The following TUSC2 variants were observed in gnomAD, a reference collection of about 807,000 sequenced individuals.
TUSC2 encodes tumor suppressor candidate 2.
TUSC2 carries 7 observed loss-of-function variants against 11.5 expected under a neutral mutation model. The ratio of observed to expected loss-of-function variants is 0.61; its 90% CI spans 0.35 to 1.14. The LOEUF (loss-of-function observed/expected upper bound fraction) is 1.14. Among genes scored for constraint, TUSC2 ranks in the 50% most tolerant of loss-of-function variants. TUSC2 has a pLI of 0.03. For synonymous variants in TUSC2, 61 were observed against 64.1 expected (o/e 0.95, Z 0.23); for missense variants, 132 against 155.0 (o/e 0.85, Z 0.79).
In TUSC2 at chr3:50,328,135, G is replaced by T. The variant is rs1553717668; in HGVS notation, c.-36C>A. ...CCGGCGCATGGCGGGCCCCGTGGCC[G>T]CTCTGCTCACACCGCAGTCCGCACT... is the stretch of plus-strand genomic sequence containing the variant. On this transcript the variant is annotated 5_prime_UTR_variant, in exon 1 of 3. Transcript: ENST00000232496. 15 of 1,359,804 alleles carry T rather than the reference G, an allele frequency of 1.1e-5. No homozygotes were observed. Among genetic ancestry groups the T allele is most frequent in the Non-Finnish European group, 1.4e-5 (15 of 1,058,418 alleles). 84.2% of individuals were successfully genotyped at this position (1,359,804 alleles called of 1,614,324 possible).
chr3:50,326,223 G>C (rs1553717380), intron 2 of TUSC2, 37 bp from the exon 3 acceptor site: 1 of 1,607,736 alleles, frequency 6.2e-7, no homozygotes, highest in Admixed American at 1.7e-5. Context: ...GGTCAGCTCA[G>C]GGCCTCTACT....
intron 1 of TUSC2, among the ~76,000 whole-genome samples, chr3:50,327,397 G>A (rs1553717513): frequency 1.4e-4 from 22 of 152,146 alleles, no homozygotes. Context: ...CTCTTGTGCG[G>A]GCCTCTGGGA....
In TUSC2 at chr3:50,327,980, C is replaced by A; in HGVS notation, c.120G>T (p.Val40=). 6.5e-7 allele frequency: 1 copy of A among 1,542,194 alleles called. No homozygotes were observed. The highest frequency in any genetic ancestry group is 8.7e-7 in the Non-Finnish European group (1 of 1,147,630). ...CGCGGCGCGTGAATACGAAGGGGGG[C>A]ACAGCTCGGCCCCGAGGCCGCACCA... ...QALVRPRGRA[V]PPFVFTRRGS... The change falls in exon 1 of 3, where the codon GTG becomes GTT. Residue 40 remains valine, a synonymous_variant. Coordinates refer to ENST00000232496, the MANE Select transcript of TUSC2 (RefSeq NM_007275.3).
At chr3:50,326,957 GAAGA>G (rs1196676979) in intron 1 of TUSC2, 3 of 339,312 alleles carry the variant, frequency 8.8e-6, no homozygotes, top group Non-Finnish European at 1.7e-5. Context: ...GGGTCTACTA[GAAGA>G]AAGTGGGAAG....
intron 1 of TUSC2, chr3:50,327,307 C>T (rs1207408691): frequency 2.2e-6 from 1 of 452,456 alleles, no homozygotes; most frequent in Non-Finnish European, 4.4e-6. Flanking sequence ...ACTGTTGGGT[C>T]TTCCTGGTGT....
chr3:50,326,278 C>G (rs1432633719), intron 2 of TUSC2, 79 bp downstream of exon 2: 2 of 1,612,228 alleles, frequency 1.2e-6, no homozygotes, highest in Non-Finnish European at 1.7e-6. Flanking sequence ...GCAAAAGCCC[C>G]CACCATGACA....
chr3:50,327,981 A>G lies in TUSC2; in HGVS notation c.119T>C (p.Val40Ala). 1 of 1,542,684 alleles carries G rather than the reference A, an allele frequency of 6.5e-7. No individual in the cohort carries two copies. ...QALVRPRGRA[V>A]PPFVFTRRGS... ...GCGGCGCGTGAATACGAAGGGGGGC[A>G]CAGCTCGGCCCCGAGGCCGCACCAA... Residue 40 changes from valine to alanine, a missense_variant, in exon 1 of 3, where the codon GTG becomes GCG. Coordinates refer to ENST00000232496, the MANE Select transcript of TUSC2 (RefSeq NM_007275.3).
In TUSC2 at chr3:50,327,999, C is replaced by G. The variant is rs1553717621; in HGVS notation, c.101G>C (p.Arg34Pro). 6.5e-7 allele frequency: 1 copy of G among 1,538,802 alleles called. No individual in the cohort carries two copies. The highest frequency in any genetic ancestry group is 2.0e-5 in the Admixed American group (1 of 50,502). Residue 34 changes from arginine to proline, a missense_variant, in exon 1 of 3, where the codon CGG becomes CCG. Arg to Pro is a moderately radical substitution (Grantham distance 103). Transcript: ENST00000232496. ...EAAGAEQALV[R>P]PRGRAVPPFV... Reference sequence around the variant, plus strand: ...GGGGGGCACAGCTCGGCCCCGAGGCCGCACCAAAGCTTGCTCAGCTCCTGC... The same window carrying G: ...GGGGGGCACAGCTCGGCCCCGAGGCGGCACCAAAGCTTGCTCAGCTCCTGC...
chr3:50,328,002 A>C lies in TUSC2; in HGVS notation c.98T>G (p.Val33Gly). Residue 33 changes from valine (V) to glycine (G), a missense_variant, in exon 1 of 3, where the codon GTG becomes GGG. Around this residue, in one of 3 missense-constraint regions of TUSC2, gnomAD observed 50 missense variants for 27.9 expected, o/e 1.79. Transcript: ENST00000232496. The stretch of plus-strand genomic sequence containing the variant: ...GGGCACAGCTCGGCCCCGAGGCCGC[A>C]CCAAAGCTTGCTCAGCTCCTGCTGC... ...SEAAGAEQAL[V>G]RPRGRAVPPF... is the part of the protein sequence containing the mutation. 1.3e-6 allele frequency: 2 copies of C among 1,538,576 alleles called. No homozygotes were observed. The highest frequency in any genetic ancestry group is 1.7e-6 in the Non-Finnish European group (2 of 1,145,140).
In TUSC2 at chr3:50,328,192, T is replaced by G. The variant is rs965903557; in HGVS notation, c.-93A>C. 4.7e-6 allele frequency: 6 copies of G among 1,276,538 alleles called. No individual in the cohort carries two copies. Among genetic ancestry groups the G allele is most frequent in the South Asian group, 2.2e-5 (1 of 45,344 alleles). The allele number at this position is 1,276,538 out of a possible 1,614,324, so 79.1% of individuals were successfully genotyped here. A position where few individuals can be genotyped will look rare whatever the true frequency, so the allele number is the denominator to read the frequency against. On this transcript the variant is annotated 5_prime_UTR_variant, in exon 1 of 3. Transcript: ENST00000232496. Reference sequence around the variant, plus strand: ...ACCTGCCCCAGCCGCTGATCGCAGGTGCCGCCGCCGCCGCCTTCCGCAGGC... The same window carrying G: ...ACCTGCCCCAGCCGCTGATCGCAGGGGCCGCCGCCGCCGCCTTCCGCAGGC...
At chr3:50,327,177 A>C (rs1553717488) in intron 1 of TUSC2, 2 of 456,776 alleles carry the variant, frequency 4.4e-6, no homozygotes, top group Admixed American at 4.7e-5. Flanking sequence ...CTCACTCCAG[A>C]AGATGCTGCT....
intron 1 of TUSC2, among the ~76,000 whole-genome samples, chr3:50,327,572 C>T (rs782239554): frequency 1.1e-4 from 17 of 152,152 alleles, no homozygotes; most frequent in Non-Finnish European, 2.2e-4. Flanking sequence ...GAAAAGCAGC[C>T]TAAACAGAGG....
At chr3:50,327,930 C>A in intron 1 of TUSC2, 24 bp downstream of exon 1, 1 of 1,445,942 alleles carries the variant, frequency 6.9e-7, no homozygotes, top group Non-Finnish European at 9.1e-7. Context: ...GTTCCCCCCG[C>A]CAGGGTGGAA....
At chr3:50,326,504 T>C (rs782452888) in intron 1 of TUSC2, 27 bp from the exon 2 acceptor site, 1 of 1,610,726 alleles carries the variant, frequency 6.2e-7, no homozygotes, top group Non-Finnish European at 8.5e-7. Flanking sequence ...GGAAACAGGC[T>C]GGGCTGGAGC....
Position 50,325,947 on chromosome 3 carries a change from C to G in TUSC2, c.*174G>C, listed in dbSNP as rs187779816. On this transcript the variant is annotated 3_prime_UTR_variant, in exon 3 of 3. Coordinates refer to ENST00000232496, the MANE Select transcript of TUSC2 (RefSeq NM_007275.3). The surrounding 1 kb of genome is among the most constrained non-coding windows in gnomAD (Gnocchi z 5.1). ...AACCACCTCTTGTCCACACACAAAC[C>G]AACACCCAACCAATACTGTGGGACC... The G allele has an allele frequency of 2.8e-4, 225 of 790,004 alleles. No individual in the cohort carries two copies. The African/African-American group carries it at 3.5e-3, about 12-fold the overall frequency. 48.9% of individuals were successfully genotyped at this position (790,004 alleles called of 1,614,324 possible).
At position 50,327,971 on chromosome 3, in the gene TUSC2, G is replaced by T. The variant is rs1270070276; in HGVS notation, c.129C>A (p.Phe43Leu). Residue 43 changes from phenylalanine (F) to leucine (L), a missense_variant, in exon 1 of 3, where the codon TTC becomes TTA. Phe to Leu is a conservative substitution (Grantham distance 22, BLOSUM62 0). Coordinates refer to ENST00000232496, the MANE Select transcript of TUSC2 (RefSeq NM_007275.3). ...VRPRGRAVPP[F>L]VFTRRGSMFY... The stretch of plus-strand genomic sequence containing the variant: ...GCCCTTACCCGCGGCGCGTGAATAC[G>T]AAGGGGGGCACAGCTCGGCCCCGAG... 2 of 1,541,500 alleles carry T rather than the reference G, an allele frequency of 1.3e-6. No individual in the cohort carries two copies. Among genetic ancestry groups the T allele is most frequent in the Non-Finnish European group, 1.7e-6 (2 of 1,147,042 alleles).
chr3:50,327,235 G>C (rs1331918342), intron 1 of TUSC2: 1 of 456,758 alleles, frequency 2.2e-6, no homozygotes, highest in Non-Finnish European at 4.4e-6. Context: ...CTAGGAAGAA[G>C]CACAAAGGAA....
At position 50,326,104 on chromosome 3, in the gene TUSC2, T is replaced by A; in HGVS notation, c.*17A>T. ...CTTGCCGGGGCAGGGGGTGCTTCTG[T>A]CTGCCACCTCCCAGGGTCACACCTC... On this transcript the variant is annotated 3_prime_UTR_variant, in exon 3 of 3. Coordinates refer to ENST00000232496, the MANE Select transcript of TUSC2 (RefSeq NM_007275.3). 3.8e-6 allele frequency: 6 copies of A among 1,572,900 alleles called. No homozygotes were observed. Among genetic ancestry groups the A allele is most frequent in the Non-Finnish European group, 5.2e-6 (6 of 1,158,806 alleles).
At chr3:50,326,678 C>T (rs1005133549) in intron 1 of TUSC2, among the ~76,000 whole-genome samples, 5 of 152,086 alleles carry the variant, frequency 3.3e-5, no homozygotes, top group African/African-American at 4.8e-5. Flanking sequence ...GGTGCAGTGG[C>T]GCGATCTCAG....
Sources: allele counts gnomAD v4.1 joint callset (sites outside exome capture counted in the v4.1 genomes callset), GRCh38; gene constraint gnomAD v4.1.1; regional missense constraint gnomAD v4.1.1; non-coding constraint Gnocchi (gnomAD v3.1); transcripts MANE v1.5; gene names NCBI Gene and HGNC (gene_info 2026-07-23, HGNC 2026-07-21).